The following SAXO5 variants were observed in gnomAD, a reference collection of about 807,000 sequenced individuals.
The protein encoded by SAXO5 is stabilizer of axonemal microtubules 5, also known as testis expressed 45.
the SAXO5 span, chr19:7,501,131 A>G: frequency 6.6e-7 from 1 of 1,506,864 alleles, no homozygotes; most frequent in African/African-American, 1.4e-5. Context: ...AGGCGCGGGA[A>G]CGCACGCTCG....
chr19:7,504,080 A>ATC, the SAXO5 span: 53 of 1,202,244 alleles, frequency 4.4e-5, no homozygotes, highest in African/African-American at 1.9e-4. Flanking sequence ...GGGAATCTCA[A>ATC]TCTCTCTCTC....
At chr19:7,498,102 G>GA in the SAXO5 span, among the ~76,000 whole-genome samples, 8,098 of 134,344 alleles carry the variant, frequency 0.06, 566 homozygotes, top group African/African-American at 0.17. Context: ...AGTGAGCTGA[G>GA]AAAAAAAAAA....
At chr19:7,508,421 C>A in the SAXO5 span, 1 of 1,608,550 alleles carries the variant, frequency 6.2e-7, no homozygotes, top group Non-Finnish European at 8.5e-7. Flanking sequence ...TGTGCCCCAG[C>A]CAGCAATAAA....
At chr19:7,500,805 G>A in the SAXO5 span, 1 of 1,443,872 alleles carries the variant, frequency 6.9e-7, no homozygotes, top group East Asian at 2.8e-5. Flanking sequence ...CCCTCTCGCA[G>A]GTGGCTGGTG....
At chr19:7,501,122 G>C in the SAXO5 span, 10 of 1,506,798 alleles carry the variant, frequency 6.6e-6, no homozygotes, top group African/African-American at 1.4e-5. Context: ...TGCAAGCGCA[G>C]GCGCGGGAAC....
the SAXO5 span, chr19:7,504,492 G>A: frequency 8.8e-7 from 1 of 1,142,234 alleles, no homozygotes; most frequent in East Asian, 2.4e-5. Context: ...CAGATCATGA[G>A]GTCAGGAGCT....
chr19:7,502,837 G>A, the SAXO5 span, among the ~76,000 whole-genome samples: 1 of 152,146 alleles, frequency 6.6e-6, no homozygotes, highest in African/African-American at 2.4e-5. Flanking sequence ...TGTGTCTGGT[G>A]CAGAGAGCAC....
the SAXO5 span, chr19:7,500,987 G>A: frequency 3.6e-5 from 56 of 1,536,028 alleles, no homozygotes; most frequent in Non-Finnish European, 4.7e-5. Context: ...CCACCCGGGA[G>A]CCGCCGAGCC....
At chr19:7,507,198 G>T in the SAXO5 span, 3 of 1,445,908 alleles carry the variant, frequency 2.1e-6, no homozygotes, top group Non-Finnish European at 2.9e-6. Context: ...TTGGTGTAGA[G>T]TTATCTCAGG....
the SAXO5 span, among the ~76,000 whole-genome samples, chr19:7,498,635 T>A: frequency 2.1e-4 from 32 of 152,230 alleles, no homozygotes; most frequent in Admixed American, 1.2e-3. Flanking sequence ...CCTCAGGAGA[T>A]CTGCCCACCT....
the SAXO5 span, chr19:7,501,126 C>A: frequency 7.3e-6 from 11 of 1,506,590 alleles, no homozygotes; most frequent in East Asian, 2.7e-5. Context: ...AGCGCAGGCG[C>A]GGGAACGCAC....
At chr19:7,506,765 C>A in the SAXO5 span, 1 of 439,132 alleles carries the variant, frequency 2.3e-6, no homozygotes, top group African/African-American at 2.0e-5. Flanking sequence ...TCCCTCTTCC[C>A]CAGCTCCTCT....
At chr19:7,507,770 T>C in the SAXO5 span, among the ~76,000 whole-genome samples, 1 of 152,030 alleles carries the variant, frequency 6.6e-6, no homozygotes, top group African/African-American at 2.4e-5. Context: ...CATCTTCTTA[T>C]CCAGCTCCTC....
At chr19:7,499,818 AT>A in the SAXO5 span, 2 of 152,140 alleles carry the variant, frequency 1.3e-5, no homozygotes, top group African/African-American at 2.4e-5. Context: ...AAAAAAAAAA[AT>A]AGAAAGAATT....
chr19:7,499,383 C>T, the SAXO5 span, among the ~76,000 whole-genome samples: 6 of 117,386 alleles, frequency 5.1e-5, no homozygotes, highest in Admixed American at 8.8e-5. Context: ...GGGGGAGGGG[C>T]GGGGGAGGGG....
chr19:7,508,353 C>T, the SAXO5 span: 1 of 1,613,912 alleles, frequency 6.2e-7, no homozygotes, highest in Non-Finnish European at 8.5e-7. Flanking sequence ...GGGCACGCCT[C>T]ACCAGCGCGG....
chr19:7,506,117 G>T, the SAXO5 span: 3 of 1,612,792 alleles, frequency 1.9e-6, no homozygotes, highest in African/African-American at 4.0e-5. Flanking sequence ...GGTGCAGAAA[G>T]CGCCCAACCT....
the SAXO5 span, among the ~76,000 whole-genome samples, chr19:7,505,145 G>A: frequency 0.39 from 58,447 of 151,764 alleles, 11,709 homozygotes; most frequent in African/African-American, 0.47. Flanking sequence ...CACCATGCCC[G>A]GCTAATTTTG....
the SAXO5 span, chr19:7,506,445 T>C: frequency 2.1e-6 from 1 of 465,756 alleles, no homozygotes; most frequent in Admixed American, 3.2e-5. Flanking sequence ...TTCATGGCCA[T>C]GCCTCTCCCC....
Sources: gnomAD v4.1 joint callset for allele counts (sites outside exome capture counted in the v4.1 genomes callset) on GRCh38, gnomAD v4.1.1 for gene constraint, MANE v1.5 for transcripts, NCBI Gene and HGNC (gene_info 2026-07-23, HGNC 2026-07-21) for gene names.